Variants in TOGARAM1 observed in about 807,000 individuals in gnomAD.
The protein encoded by TOGARAM1 is TOG array regulator of axonemal microtubules protein 1.
A neutral mutation model predicts 166.6 loss-of-function variants in TOGARAM1; 100 were observed. The observed-to-expected ratio is 0.60, with a 90% CI of 0.51 to 0.71. TOGARAM1 has a LOEUF of 0.71. Among genes scored for constraint, TOGARAM1 ranks in the 30% least tolerant of loss-of-function variants. TOGARAM1 has a pLI of 0.00. For synonymous variants in TOGARAM1, 758 were observed against 763.8 expected (o/e 0.99, Z 0.13); for missense variants, 2,029 against 2,102.7 (o/e 0.96, Z 0.69).
intron 16 of TOGARAM1, among the ~76,000 whole-genome samples, chr14:45,061,012 A>T (rs557053378): frequency 6.6e-6 from 1 of 152,276 alleles, no homozygotes; most frequent in Non-Finnish European, 1.5e-5. Context: ...CCACTGAGAG[A>T]TTTTGCCTAC....
chr14:45,057,905 G>A (rs1185350024), intron 16 of TOGARAM1, among the ~76,000 whole-genome samples: 1 of 152,162 alleles, frequency 6.6e-6, no homozygotes, highest in East Asian at 1.9e-4. Context: ...TGAGAAAGAT[G>A]TATATTCTGC....
chr14:45,059,476 C>T (rs977976361), intron 16 of TOGARAM1, among the ~76,000 whole-genome samples: 2 of 152,104 alleles, frequency 1.3e-5, no homozygotes, highest in East Asian at 1.9e-4. Flanking sequence ...GGAGAAACCC[C>T]GTTTCTACTA....
At chr14:45,054,635 G>A in intron 16 of TOGARAM1, 86 bp downstream of exon 16, 1 of 907,368 alleles carries the variant, frequency 1.1e-6, no homozygotes, top group Non-Finnish European at 1.7e-6. Context: ...CTACCCCAGG[G>A]GTATTTGCCA....
intron 16 of TOGARAM1, among the ~76,000 whole-genome samples, chr14:45,057,060 C>T (rs1303928903): frequency 6.6e-6 from 1 of 152,096 alleles, no homozygotes; most frequent in South Asian, 2.1e-4. Flanking sequence ...TCACTACTCA[C>T]TGGTCTGTTC....
At chr14:45,068,953 T>C (rs1437084270) in intron 18 of TOGARAM1, among the ~76,000 whole-genome samples, 2 of 151,556 alleles carry the variant, frequency 1.3e-5, no homozygotes, top group African/African-American at 2.4e-5. Flanking sequence ...AAGAAAAAAA[T>C]ATAAAAATAA....
chr14:44,982,076 CAG>C (rs761491638), intron 1 of TOGARAM1, among the ~76,000 whole-genome samples: 23 of 152,200 alleles, frequency 1.5e-4, no homozygotes, highest in Non-Finnish European at 2.5e-4. Flanking sequence ...CTCCTGGCCT[CAG>C]TGTGATCCTC....
chr14:44,968,766 T>C (rs1383162225), intron 1 of TOGARAM1, among the ~76,000 whole-genome samples: 1 of 152,224 alleles, frequency 6.6e-6, no homozygotes, highest in African/African-American at 2.4e-5. Flanking sequence ...GTACATTCTA[T>C]GGGATTTTGG....
intron 3 of TOGARAM1, among the ~76,000 whole-genome samples, chr14:44,999,976 T>C (rs1317917139): frequency 6.6e-6 from 1 of 152,074 alleles, no homozygotes; most frequent in Non-Finnish European, 1.5e-5. Context: ...TCTTACTCCT[T>C]CTTATTTTAT....
chr14:45,002,978 CA>C (rs986239448), intron 3 of TOGARAM1, among the ~76,000 whole-genome samples: 1 of 148,096 alleles, frequency 6.8e-6, no homozygotes, highest in East Asian at 2.0e-4. Context: ...GACTCCATCT[CA>C]AAAAAAAATA....
intron 3 of TOGARAM1, among the ~76,000 whole-genome samples, chr14:45,002,973 C>T (rs773300020): frequency 6.6e-6 from 1 of 151,288 alleles, no homozygotes; most frequent in Non-Finnish European, 1.5e-5. Context: ...AGCGAGACTC[C>T]ATCTCAAAAA....
intron 11 of TOGARAM1, among the ~76,000 whole-genome samples, chr14:45,041,764 T>C (rs1183951383): frequency 6.6e-6 from 1 of 152,194 alleles, no homozygotes; most frequent in Non-Finnish European, 1.5e-5. Flanking sequence ...TGACTTTTTT[T>C]TGTCTTTGTT....
At chr14:45,032,511 C>A in intron 11 of TOGARAM1, 135 bp downstream of exon 11, 1 of 877,894 alleles carries the variant, frequency 1.1e-6, no homozygotes, top group South Asian at 1.8e-5. Context: ...GCATCAGAGT[C>A]TTTTCAGCTC....
intron 13 of TOGARAM1, 62 bp downstream of exon 13, chr14:45,044,932 T>A: frequency 8.0e-7 from 1 of 1,254,982 alleles, no homozygotes; most frequent in Non-Finnish European, 1.1e-6. Context: ...CAATCGGGAC[T>A]GTAGAAAAGA....
At position 45,046,646 on chromosome 14, in the gene TOGARAM1, C is replaced by T; in HGVS notation, c.4256C>T (p.Ala1419Val). The change falls in exon 14 of 20, where the codon GCT becomes GTT. Residue 1419 changes from alanine (A) to valine (V), a missense_variant. Ala to Val is a moderately conservative substitution (Grantham distance 64). Coordinates refer to ENST00000361462, the MANE Select transcript of TOGARAM1 (RefSeq NM_001308120.2). Reference sequence around the variant, plus strand: ...ATTTTATCTGCAGCAAAGGATATGGCTGAACGCATATTACCAGCTGCTGCT... The same window carrying T: ...ATTTTATCTGCAGCAAAGGATATGGTTGAACGCATATTACCAGCTGCTGCT... ...ERILSAAKDM[A>V]ERILPAAAKF... The T allele has an allele frequency of 7.3e-7, 1 of 1,377,032 alleles. No individual in the cohort carries two copies. Among genetic ancestry groups the T allele is most frequent in the Non-Finnish European group, 9.5e-7 (1 of 1,057,590 alleles). 85.3% of individuals were successfully genotyped at this position (1,377,032 alleles called of 1,614,324 possible). A position where few individuals can be genotyped will look rare whatever the true frequency, so the allele number is the denominator to read the frequency against.
At chr14:44,973,976 G>A (rs1886045473) in intron 1 of TOGARAM1, among the ~76,000 whole-genome samples, 1 of 151,656 alleles carries the variant, frequency 6.6e-6, no homozygotes, top group African/African-American at 2.4e-5. Context: ...GTAGTTTGAA[G>A]ATGATATGCC....
At chr14:45,058,135 G>A (rs1048930697) in intron 16 of TOGARAM1, among the ~76,000 whole-genome samples, 2 of 152,006 alleles carry the variant, frequency 1.3e-5, no homozygotes, top group Non-Finnish European at 2.9e-5. Flanking sequence ...AGTGTTGGGT[G>A]CATATATATT....
Position 44,962,445 on chromosome 14 carries a change from G to A in TOGARAM1, c.24G>A (p.Leu8=). 1 of 1,574,404 alleles carries A rather than the reference G, an allele frequency of 6.4e-7. No individual in the cohort carries two copies. Among genetic ancestry groups the A allele is most frequent in the Non-Finnish European group, 8.6e-7 (1 of 1,161,046 alleles). The change falls in exon 1 of 20, where the codon CTG becomes CTA. Residue 8 remains leucine, a synonymous_variant. Transcript: ENST00000361462. The part of the protein sequence containing the change: MAAAPSA[L]LLLPPFPVLS... ...GCATGGCGGCTGCCCCCTCCGCGCT[G>A]CTTCTGCTGCCGCCCTTTCCAGTCC...
intron 19 of TOGARAM1, among the ~76,000 whole-genome samples, chr14:45,072,114 T>A (rs1285931623): frequency 6.6e-6 from 1 of 152,188 alleles, no homozygotes; most frequent in African/African-American, 2.4e-5. Context: ...GTGACTTTAT[T>A]TTCCAAAGTT....
intron 18 of TOGARAM1, among the ~76,000 whole-genome samples, chr14:45,069,414 A>G (rs747103796): frequency 8.5e-5 from 13 of 152,058 alleles, no homozygotes; most frequent in Non-Finnish European, 1.8e-4. Flanking sequence ...GGGACAAGCT[A>G]CAGACTGGGA....
Sources: allele counts gnomAD v4.1 joint callset (sites outside exome capture counted in the v4.1 genomes callset), GRCh38; gene constraint gnomAD v4.1.1; transcripts MANE v1.5; gene names NCBI Gene and HGNC (gene_info 2026-07-23, HGNC 2026-07-21).